The following PVT1 variants were observed in gnomAD, a reference collection of about 807,000 sequenced individuals.
PVT1 encodes the protein Pvt1 oncogene, also known as CXCR4/PVT1 fusion.
intron 3 of PVT1, among the ~76,000 whole-genome samples, chr8:127,977,789 A>T (rs1039831806): frequency 6.6e-6 from 1 of 152,182 alleles, no homozygotes; most frequent in Non-Finnish European, 1.5e-5. Context: ...CTGTCACCCA[A>T]CACCTTAGTT....
Position 127,852,507 on chromosome 8 carries a change from A to T in PVT1, n.373-38082A>T, listed in dbSNP as rs180930189. On this transcript the variant is annotated intron_variant and non_coding_transcript_variant, in intron 2 of 10. Coordinates refer to ENST00000651587, the Ensembl canonical transcript of PVT1. ...GAATCCACCTGTGTGATGTTGTATG[A>T]TATTGACCTTTCTGGCTCTCAGCAT... is the stretch of plus-strand genomic sequence containing the variant. Among the ~76,000 whole-genome samples the T allele has an allele frequency of 8.5e-4, 129 of 152,262 alleles. No individual in the cohort carries two copies. The Middle Eastern group carries it at 0.01, about 12-fold the overall frequency.
intron 3 of PVT1, among the ~76,000 whole-genome samples, chr8:127,967,244 C>T (rs957997807): frequency 5.9e-5 from 9 of 151,984 alleles, no homozygotes; most frequent in South Asian, 2.1e-4. Context: ...AAACCTGACC[C>T]GGGATCTCTC....
intron 4 of PVT1, among the ~76,000 whole-genome samples, chr8:128,042,375 G>A (rs961640539): frequency 6.6e-6 from 1 of 152,178 alleles, no homozygotes; most frequent in Non-Finnish European, 1.5e-5. Flanking sequence ...ATAATATTGA[G>A]CAAGAGTCCT....
intron 2 of PVT1, among the ~76,000 whole-genome samples, chr8:127,829,013 G>A (rs938192393): frequency 2.6e-5 from 4 of 152,154 alleles, no homozygotes; most frequent in African/African-American, 9.7e-5. Flanking sequence ...TAATGATTGA[G>A]CCTGGCGCGG....
intron 3 of PVT1, among the ~76,000 whole-genome samples, chr8:127,907,832 G>A (rs1036297102): frequency 1.3e-5 from 2 of 152,134 alleles, no homozygotes; most frequent in African/African-American, 4.8e-5. Context: ...TTGTAAGGAG[G>A]GGATGGTTGG....
chr8:127,951,292 A>G (rs1816502688), intron 3 of PVT1, among the ~76,000 whole-genome samples: 2 of 152,168 alleles, frequency 1.3e-5, no homozygotes, highest in Admixed American at 6.5e-5. Flanking sequence ...ACCCCAGTGC[A>G]CTGCTGGAGC....
At chr8:127,938,766 G>A (rs1238225183) in intron 3 of PVT1, among the ~76,000 whole-genome samples, 1 of 152,148 alleles carries the variant, frequency 6.6e-6, no homozygotes, top group Admixed American at 6.5e-5. Context: ...TAGGTTTATT[G>A]CCTTTGCGTT....
intron 4 of PVT1, among the ~76,000 whole-genome samples, chr8:128,043,919 T>A (rs561485570): frequency 4.6e-5 from 7 of 150,706 alleles, no homozygotes; most frequent in Admixed American, 3.3e-4. Flanking sequence ...CTTGACCTCC[T>A]GAGCTCAAGT....
At chr8:127,870,824 A>T (rs957634187) in intron 2 of PVT1, among the ~76,000 whole-genome samples, 1 of 152,230 alleles carries the variant, frequency 6.6e-6, no homozygotes, top group African/African-American at 2.4e-5. Flanking sequence ...GCGATGATGC[A>T]TGTAAAGCCC....
intron 2 of PVT1, among the ~76,000 whole-genome samples, chr8:127,797,666 G>A (rs1814412800): frequency 6.6e-6 from 1 of 152,112 alleles, no homozygotes; most frequent in Non-Finnish European, 1.5e-5. Context: ...AACAATAATA[G>A]TGCATGTATA....
At chr8:127,997,083 TCACTC>T in intron 4 of PVT1, among the ~76,000 whole-genome samples, 2 of 147,476 alleles carry the variant, frequency 1.4e-5, no homozygotes, top group African/African-American at 2.5e-5. Context: ...ATACAGAGTT[TCACTC>T]TTGTTGCCTA....
intron 3 of PVT1, among the ~76,000 whole-genome samples, chr8:127,963,994 G>T (rs1437253235): frequency 6.6e-6 from 1 of 152,236 alleles, no homozygotes; most frequent in Non-Finnish European, 1.5e-5. Context: ...AGTGGAGAAT[G>T]GCTGAATTTG....
chr8:128,070,929 C>T (rs1348504843), intron 5 of PVT1, among the ~76,000 whole-genome samples: 2 of 152,194 alleles, frequency 1.3e-5, no homozygotes, highest in African/African-American at 2.4e-5. Flanking sequence ...AACTTGGCAG[C>T]CAACAGAGTC....
intron 4 of PVT1, among the ~76,000 whole-genome samples, chr8:128,037,318 CATT>C (rs1460204018): frequency 1.3e-5 from 2 of 152,222 alleles, no homozygotes; most frequent in Non-Finnish European, 2.9e-5. Flanking sequence ...GGGGAGTAAT[CATT>C]ATCACTGCTT....
At chr8:128,097,021 C>T (rs1331926453) in intron 6 of PVT1, among the ~76,000 whole-genome samples, 1 of 152,192 alleles carries the variant, frequency 6.6e-6, no homozygotes, top group Non-Finnish European at 1.5e-5. Context: ...CCCCTAACCA[C>T]ACCTACAACT....
chr8:127,881,896 C>G (rs190924129), intron 2 of PVT1, among the ~76,000 whole-genome samples: 37 of 152,304 alleles, frequency 2.4e-4, no homozygotes, highest in African/African-American at 8.7e-4. Context: ...TGCGCCACCA[C>G]TGCCAGCTAA....
intron 4 of PVT1, among the ~76,000 whole-genome samples, chr8:128,000,149 C>G (rs1253025251): frequency 6.6e-6 from 1 of 152,214 alleles, no homozygotes; most frequent in African/African-American, 2.4e-5. Flanking sequence ...AACCTCTTCC[C>G]CTGCACACTG....
intron 4 of PVT1, among the ~76,000 whole-genome samples, chr8:128,003,173 T>TC: frequency 6.7e-6 from 1 of 148,744 alleles, no homozygotes; most frequent in Non-Finnish European, 1.5e-5. Context: ...TTTTTTTTTT[T>TC]AGTAGAGACA....
At chr8:127,981,912 G>T (rs1706814870) in intron 3 of PVT1, among the ~76,000 whole-genome samples, 4 of 152,182 alleles carry the variant, frequency 2.6e-5, no homozygotes, top group Admixed American at 6.5e-5. Flanking sequence ...AGGGAGCTTG[G>T]CTTGGAACCC....
Sources: gnomAD v4.1 joint callset for allele counts (sites outside exome capture counted in the v4.1 genomes callset) on GRCh38, gnomAD v4.1.1 for gene constraint, MANE v1.5 for transcripts, NCBI Gene and HGNC (gene_info 2026-07-23, HGNC 2026-07-21) for gene names.